The following ZSWIM6 variants were observed in gnomAD, a reference collection of about 807,000 sequenced individuals.
ZSWIM6 encodes zinc finger SWIM-type containing 6.
ZSWIM6 carries 9 observed loss-of-function variants against 113.2 expected under a neutral mutation model. The ratio of observed to expected loss-of-function variants is 0.08; its 90% CI spans 0.05 to 0.14. The LOEUF (loss-of-function observed/expected upper bound fraction) is 0.14, where lower values mean the gene tolerates loss of function less well. Among genes scored for constraint, ZSWIM6 ranks in the 10% least tolerant of loss-of-function variants. The pLI, the probability that ZSWIM6 is intolerant of heterozygous loss-of-function variation, is 1.00. For synonymous variants in ZSWIM6, 611 were observed against 606.5 expected (o/e 1.01, Z -0.11); for missense variants, 1,162 against 1,552.2 (o/e 0.75, Z 4.22).
intron 4 of ZSWIM6, among the ~76,000 whole-genome samples, chr5:61,509,006 T>C (rs1356834056): frequency 2.0e-5 from 3 of 152,162 alleles, no homozygotes; most frequent in African/African-American, 7.2e-5. Context: ...GTTATAAGTC[T>C]AACAACACTT....
At chr5:61,354,233 G>C (rs543116088) in intron 1 of ZSWIM6, among the ~76,000 whole-genome samples, 9 of 152,294 alleles carry the variant, frequency 5.9e-5, no homozygotes, top group Non-Finnish European at 1.0e-4. Context: ...TGTAGCATTT[G>C]CAGCTTTCTG....
At chr5:61,333,082 C>G in intron 1 of ZSWIM6, 134 bp downstream of exon 1, 1 of 960,064 alleles carries the variant, frequency 1.0e-6, no homozygotes, top group Non-Finnish European at 1.3e-6. Context: ...CTCACTGGCC[C>G]GGACGGTCCT....
intron 1 of ZSWIM6, among the ~76,000 whole-genome samples, chr5:61,445,347 A>C (rs1184670364): frequency 6.6e-6 from 1 of 152,242 alleles, no homozygotes; most frequent in African/African-American, 2.4e-5. Flanking sequence ...AGCTATAAAA[A>C]GAGCATCATC....
At chr5:61,479,170 CAA>C (rs1237501407) in intron 2 of ZSWIM6, among the ~76,000 whole-genome samples, 2 of 115,730 alleles carry the variant, frequency 1.7e-5, no homozygotes, top group Non-Finnish European at 3.7e-5. Flanking sequence ...GACTCTGTCT[CAA>C]AAAAAAAAAA....
At chr5:61,453,864 G>T in intron 1 of ZSWIM6, among the ~76,000 whole-genome samples, 1 of 106,866 alleles carries the variant, frequency 9.4e-6, no homozygotes, top group South Asian at 2.7e-4. Flanking sequence ...TAAAATATTG[G>T]GGGGGGGAAG....
chr5:61,375,705 A>C (rs1166293008), intron 1 of ZSWIM6: 16 of 1,548,760 alleles, frequency 1.0e-5, no homozygotes, highest in Non-Finnish European at 1.4e-5. Flanking sequence ...TGTCAGAATC[A>C]GAGTATATTG....
intron 1 of ZSWIM6, among the ~76,000 whole-genome samples, chr5:61,388,321 T>A (rs1745632104): frequency 6.6e-6 from 1 of 152,134 alleles, no homozygotes; most frequent in Non-Finnish European, 1.5e-5. Context: ...TTTGTAAAAG[T>A]CTATACTCTA....
At chr5:61,541,399 G>A (rs1749734917) in intron 12 of ZSWIM6, among the ~76,000 whole-genome samples, 1 of 152,138 alleles carries the variant, frequency 6.6e-6, no homozygotes, top group African/African-American at 2.4e-5. Context: ...TACCTTCATG[G>A]TCACCAGAAA....
chr5:61,432,011 A>G (rs1434837477), intron 1 of ZSWIM6, among the ~76,000 whole-genome samples: 1 of 152,174 alleles, frequency 6.6e-6, no homozygotes, highest in Non-Finnish European at 1.5e-5. Flanking sequence ...TTCACAGAAC[A>G]GAAGCAAATA....
chr5:61,498,333 G>A (rs1748376550), intron 4 of ZSWIM6, among the ~76,000 whole-genome samples: 1 of 152,174 alleles, frequency 6.6e-6, no homozygotes, highest in Non-Finnish European at 1.5e-5. Context: ...GGGAGCGGGT[G>A]GGCTGCCATT....
chr5:61,449,477 G>A (rs1395284120), intron 1 of ZSWIM6, among the ~76,000 whole-genome samples: 2 of 152,122 alleles, frequency 1.3e-5, no homozygotes, highest in African/African-American at 4.8e-5. Flanking sequence ...CAGTCTTCCT[G>A]CCTCAGCGTC....
At chr5:61,487,132 C>A (rs1472896925) in intron 2 of ZSWIM6, among the ~76,000 whole-genome samples, 1 of 152,012 alleles carries the variant, frequency 6.6e-6, no homozygotes, top group Non-Finnish European at 1.5e-5. Context: ...TTCCCAGCAC[C>A]ATTTATTGAA....
At chr5:61,399,166 C>G (rs1348815021) in intron 1 of ZSWIM6, among the ~76,000 whole-genome samples, 1 of 150,324 alleles carries the variant, frequency 6.7e-6, no homozygotes, top group Non-Finnish European at 1.5e-5. Flanking sequence ...CTCAGGTGAT[C>G]CACCCGCCTC....
intron 3 of ZSWIM6, among the ~76,000 whole-genome samples, chr5:61,492,571 A>T (rs893699874): frequency 1.3e-5 from 2 of 152,128 alleles, no homozygotes; most frequent in African/African-American, 2.4e-5. Context: ...AATAGTAAGT[A>T]TCAATGTAAA....
chr5:61,356,251 A>G (rs1320436669), intron 1 of ZSWIM6, among the ~76,000 whole-genome samples: 1 of 152,204 alleles, frequency 6.6e-6, no homozygotes, highest in African/African-American at 2.4e-5. Flanking sequence ...GGTGCACGCC[A>G]CCATGCCCAG....
chr5:61,333,047 G>A, intron 1 of ZSWIM6, 99 bp downstream of exon 1: 4 of 1,042,796 alleles, frequency 3.8e-6, no homozygotes, highest in Non-Finnish European at 4.6e-6. Flanking sequence ...CTAGTTCCGC[G>A]CGCGCCCGCA....
At chr5:61,347,921 T>TA (rs1001539384) in intron 1 of ZSWIM6, among the ~76,000 whole-genome samples, 2 of 151,970 alleles carry the variant, frequency 1.3e-5, no homozygotes, top group South Asian at 2.1e-4. Flanking sequence ...CTTTTTGAAT[T>TA]AAAAAAAAGC....
chr5:61,406,815 C>T (rs1270250032), intron 1 of ZSWIM6, among the ~76,000 whole-genome samples: 5 of 152,018 alleles, frequency 3.3e-5, no homozygotes, highest in African/African-American at 9.7e-5. Context: ...CGGGTTCAAG[C>T]GATTCTCCTG....
In ZSWIM6 at chr5:61,473,057, CTT is replaced by C; in HGVS notation, c.1033+22_1033+23del. The C allele has an allele frequency of 5.9e-6, 8 of 1,362,456 alleles. No homozygotes were observed. Among genetic ancestry groups the C allele is most frequent in the Non-Finnish European group, 6.8e-6 (7 of 1,026,390 alleles). The allele number at this position is 1,362,456 out of a possible 1,614,324, so 84.4% of individuals were successfully genotyped here. A position where few individuals can be genotyped will look rare whatever the true frequency, so the allele number is the denominator to read the frequency against. ...TTCATGGTGAGTATAGACATTGACT[CTT>C]TAAATTTCCTCTCTGGATCCTTTTT... is the stretch of plus-strand genomic sequence containing the variant. On this transcript the variant is annotated intron_variant, in intron 2 of 13. Transcript: ENST00000252744.
Sources: allele counts gnomAD v4.1 joint callset (sites outside exome capture counted in the v4.1 genomes callset), GRCh38; gene constraint gnomAD v4.1.1; transcripts MANE v1.5; gene names NCBI Gene and HGNC (gene_info 2026-07-23, HGNC 2026-07-21).